Variants in C9orf50 observed in about 807,000 individuals in gnomAD.
C9orf50 encodes chromosome 9 open reading frame 50, also known as uncharacterized protein C9orf50.
In C9orf50, 33 loss-of-function variants were observed where a neutral mutation model predicts 42.5. That is an observed-to-expected ratio of 0.78 (90% CI 0.59 to 1.04). The LOEUF is 1.04. Ranked by LOEUF, C9orf50 falls within the 50% of genes least tolerant of loss-of-function variation. The pLI is 0.00. For missense variants in C9orf50, 547 were observed against 594.3 expected (o/e 0.92, Z 0.83); for synonymous variants, 257 against 273.4 (o/e 0.94, Z 0.59).
chr9:129,613,597 A>G lies in C9orf50; in HGVS notation c.881T>C (p.Val294Ala), dbSNP rs781077632. ...CTGGTTCACAATGACGCTCTGTTGG[A>G]CTGCAGGAAAGAGGGCAGGGTGAGA... The change falls in exon 5 of 7, where the codon GTC (valine) becomes GCC (alanine). Residue 294 changes from valine to alanine, a missense_variant and splice_region_variant. Val to Ala is a moderately conservative substitution (Grantham distance 64). Around this residue, in one of 3 missense-constraint regions of C9orf50, gnomAD observed 334 missense variants for 323.7 expected, o/e 1.03. Coordinates refer to ENST00000372478, the Ensembl canonical transcript of C9orf50. The surrounding 1 kb of genome is among the most constrained non-coding windows in gnomAD (Gnocchi z 6.2). The G allele has an allele frequency of 1.4e-5, 22 of 1,613,880 alleles. No homozygotes were observed. The South Asian group carries it at 2.1e-4, about 15-fold the overall frequency.
At chr9:129,617,034 T>G (rs1830423841) in intron 3 of C9orf50, among the ~76,000 whole-genome samples, 1 of 151,554 alleles carries the variant, frequency 6.6e-6, no homozygotes, top group Admixed American at 6.6e-5. Flanking sequence ...GCCACTGCAC[T>G]CCAGCCTAGG....
chr9:129,613,405 C>T lies in C9orf50; in HGVS notation c.1043+30G>A, dbSNP rs755062227. The stretch of plus-strand genomic sequence containing the variant: ...GGGTGGAGGGCCCTGGCAATGTCCA[C>T]GAGTCCCATCCGCTTCCCTGGAGCC... On this transcript the variant is annotated intron_variant, in intron 5 of 6. Coordinates refer to ENST00000372478, the Ensembl canonical transcript of C9orf50. This position sits in a 1 kb window ranked among gnomAD's most constrained non-coding sequence, Gnocchi z 6.2. 30 of 1,608,412 alleles carry T rather than the reference C, an allele frequency of 1.9e-5. No individual in the cohort carries two copies. The highest frequency in any genetic ancestry group is 2.2e-5 in the East Asian group (1 of 44,762).
chr9:129,613,700 T>A lies in C9orf50; in HGVS notation c.881-103A>T. 1 of 1,434,842 alleles carries A rather than the reference T, an allele frequency of 7.0e-7. No homozygotes were observed. 88.9% of individuals were successfully genotyped at this position (1,434,842 alleles called of 1,614,324 possible). A position where few individuals can be genotyped will look rare whatever the true frequency, so the allele number is the denominator to read the frequency against. ...GCAGGCAGGGCCGGTCAGAGCCCTGTCTCCATGGCAACCCCAGGCTCCCCA... is the reference window on the plus strand; with the variant it reads ...GCAGGCAGGGCCGGTCAGAGCCCTGACTCCATGGCAACCCCAGGCTCCCCA... On this transcript the variant is annotated intron_variant, in intron 4 of 6. Coordinates refer to ENST00000372478, the Ensembl canonical transcript of C9orf50. The surrounding 1 kb of genome is among the most constrained non-coding windows in gnomAD (Gnocchi z 6.2).
Position 129,620,663 on chromosome 9 carries a change from G to A in C9orf50, c.-89C>T. 1 of 1,173,784 alleles carries A rather than the reference G, an allele frequency of 8.5e-7. No individual in the cohort carries two copies. Among genetic ancestry groups the A allele is most frequent in the East Asian group, 3.2e-5 (1 of 31,568 alleles). The allele number at this position is 1,173,784 out of a possible 1,614,324, so 72.7% of individuals were successfully genotyped here. A position where few individuals can be genotyped will look rare whatever the true frequency, so the allele number is the denominator to read the frequency against. ...TGGGGAGGGCATAGTCCAGCCCCAGGCCATAGTGCCCCGGGCGGGGCAGCG... is the reference window on the plus strand; with the variant it reads ...TGGGGAGGGCATAGTCCAGCCCCAGACCATAGTGCCCCGGGCGGGGCAGCG... On this transcript the variant is annotated 5_prime_UTR_variant, in exon 1 of 7. Coordinates refer to ENST00000372478, the Ensembl canonical transcript of C9orf50. This position sits in a 1 kb window ranked among gnomAD's most constrained non-coding sequence, Gnocchi z 5.8.
exon 7 of C9orf50, chr9:129,612,388 G>C: frequency 2.5e-6 from 4 of 1,613,444 alleles, no homozygotes; most frequent in Non-Finnish European, 3.4e-6. Context: ...GCCAGGAGGA[G>C]ATGGTACCCC....
At chr9:129,619,000 C>A (rs1830536178) in intron 3 of C9orf50, among the ~76,000 whole-genome samples, 1 of 151,546 alleles carries the variant, frequency 6.6e-6, no homozygotes, top group Non-Finnish European at 1.5e-5. Flanking sequence ...AGGTGTGAGC[C>A]ACCGTGCCCT....
At chr9:129,619,950 C>A in intron 1 of C9orf50, 117 bp downstream of exon 1, 1 of 1,489,914 alleles carries the variant, frequency 6.7e-7, no homozygotes, top group South Asian at 1.2e-5. Context: ...CTGAGATACT[C>A]AGCTAACATT....
intron 3 of C9orf50, among the ~76,000 whole-genome samples, chr9:129,618,633 G>A (rs1314201416): frequency 6.6e-6 from 1 of 152,088 alleles, no homozygotes; most frequent in Non-Finnish European, 1.5e-5. Flanking sequence ...GTTGGTCATT[G>A]GATCAATGGA....
chr9:129,621,006 C>A (rs551554505), upstream of C9orf50, among the ~76,000 whole-genome samples: 5 of 152,366 alleles, frequency 3.3e-5, no homozygotes, highest in African/African-American at 1.2e-4. Flanking sequence ...CTTCCCTCTG[C>A]CTTCCCTGGG....
At chr9:129,617,648 C>T (rs990593874) in intron 3 of C9orf50, among the ~76,000 whole-genome samples, 5 of 151,924 alleles carry the variant, frequency 3.3e-5, no homozygotes, top group Admixed American at 6.6e-5. Flanking sequence ...ATTGGTTGAA[C>T]GTTCTGAGGT....
At chr9:129,621,631 G>A (rs993191594), upstream of C9orf50, among the ~76,000 whole-genome samples, 1 of 152,204 alleles carries the variant, frequency 6.6e-6, no homozygotes, top group African/African-American at 2.4e-5. Flanking sequence ...GCCTCCCAAA[G>A]TGCTGGGATC....
chr9:129,619,814 T>G (rs1830584566), exon 2 of C9orf50: 6 of 1,614,096 alleles, frequency 3.7e-6, no homozygotes, highest in Non-Finnish European at 5.1e-6. Context: ...CCCTTTGATG[T>G]TGCGGTGCTG....
rs553216182 is a variant in C9orf50 at position 129,612,753 on chromosome 9, C to A, written c.1189-299G>T. On this transcript the variant is annotated intron_variant, in intron 6 of 6. Transcript: ENST00000372478. ...ATTAGCTGGGTGTGGTGGTGGGTGT[C>A]CCCATTGCAGAGGTTGCAGTGAGCC... Among the ~76,000 whole-genome samples, 4 of 152,262 alleles carry A rather than the reference C, an allele frequency of 2.6e-5. No homozygotes were observed. The East Asian group carries it at 7.7e-4, about 29-fold the overall frequency.
chr9:129,615,595 G>T, exon 4 of C9orf50: 2 of 1,605,198 alleles, frequency 1.2e-6, no homozygotes, highest in Non-Finnish European at 1.7e-6. Context: ...TCCCCCGAGG[G>T]GTTGTGGGTC....
chr9:129,620,254 C>G lies in C9orf50; in HGVS notation c.321G>C (p.Ser107=). The change falls in exon 1 of 7, where the codon TCG becomes TCC. Residue 107 remains serine (S), a synonymous_variant. Coordinates refer to ENST00000372478, the Ensembl canonical transcript of C9orf50. This position sits in a 1 kb window ranked among gnomAD's most constrained non-coding sequence, Gnocchi z 5.8. ...GCGCCGATTCCCGGGACGCGCCGGCCGACAGCAGGGGAGGCGGCAGCAGGG... is the reference window on the plus strand; with the variant it reads ...GCGCCGATTCCCGGGACGCGCCGGCGGACAGCAGGGGAGGCGGCAGCAGGG... 1 of 1,337,158 alleles carries G rather than the reference C, an allele frequency of 7.5e-7. No individual in the cohort carries two copies. The highest frequency in any genetic ancestry group is 9.6e-7 in the Non-Finnish European group (1 of 1,038,422). The allele number at this position is 1,337,158 out of a possible 1,614,324, so 82.8% of individuals were successfully genotyped here.
In C9orf50 at chr9:129,613,356, G is replaced by A. The variant is rs899175312; in HGVS notation, c.1043+79C>T. On this transcript the variant is annotated intron_variant, in intron 5 of 6. Coordinates refer to ENST00000372478, the Ensembl canonical transcript of C9orf50. The surrounding 1 kb of genome is among the most constrained non-coding windows in gnomAD (Gnocchi z 6.2). The stretch of plus-strand genomic sequence containing the variant: ...CACACTGGCAACCCGCCTGCTGCTG[G>A]GTGGGGAGGTCTGTAGGCAAGGGGG... The A allele has an allele frequency of 1.3e-6, 2 of 1,578,218 alleles. No individual in the cohort carries two copies. Among genetic ancestry groups the A allele is most frequent in the Non-Finnish European group, 8.6e-7 (1 of 1,160,134 alleles).
rs1163430751 is a variant in C9orf50 at position 129,619,651 on chromosome 9, G to A, written c.600-15C>T. 1.9e-6 allele frequency: 3 copies of A among 1,613,348 alleles called. No individual in the cohort carries two copies. Among genetic ancestry groups the A allele is most frequent in the East Asian group, 2.2e-5 (1 of 44,874 alleles). On this transcript the variant is annotated splice_polypyrimidine_tract_variant and intron_variant, in intron 2 of 6. Coordinates refer to ENST00000372478, the Ensembl canonical transcript of C9orf50. ...ATGACTGGCCCCTTAAAGACAAACA[G>A]GCCACATCTGGCATGAGTGGCCAGG...
At position 129,620,646 on chromosome 9, in the gene C9orf50, G is replaced by T; in HGVS notation, c.-72C>A. ...GGGGGCGCCGGCTGAGGTGGGGAGG[G>T]CATAGTCCAGCCCCAGGCCATAGTG... On this transcript the variant is annotated 5_prime_UTR_variant, in exon 1 of 7. Coordinates refer to ENST00000372478, the Ensembl canonical transcript of C9orf50. This position sits in a 1 kb window ranked among gnomAD's most constrained non-coding sequence, Gnocchi z 5.8. 8.1e-7 allele frequency: 1 copy of T among 1,239,194 alleles called. No homozygotes were observed. The highest frequency in any genetic ancestry group is 1.0e-6 in the Non-Finnish European group (1 of 983,842). 76.8% of individuals were successfully genotyped at this position (1,239,194 alleles called of 1,614,324 possible).
Position 129,620,133 on chromosome 9 carries a change from G to A in C9orf50, c.442C>T (p.Pro148Ser), listed in dbSNP as rs1049161142. The A allele has an allele frequency of 2.7e-6, 4 of 1,458,372 alleles. No individual in the cohort carries two copies. The highest frequency in any genetic ancestry group is 5.6e-5 in the Admixed American group (2 of 35,690). 90.3% of individuals were successfully genotyped at this position (1,458,372 alleles called of 1,614,324 possible). A position where few individuals can be genotyped will look rare whatever the true frequency, so the allele number is the denominator to read the frequency against. ...TGCAGGAACTCACGGAACCTGCTGG[G>A]GAGGAGCTCTCCTAGGAAGGCGCCC... The change falls in exon 1 of 7, where the codon CCC (proline) becomes TCC (serine). Residue 148 changes from proline (P) to serine (S), a missense_variant. By Grantham distance (74) the Pro-to-Ser change is moderately conservative. This residue lies in a region of C9orf50 where 108 missense variants were observed against 172.1 expected (regional missense o/e 0.63). Transcript: ENST00000372478. This position sits in a 1 kb window ranked among gnomAD's most constrained non-coding sequence, Gnocchi z 5.8.
Sources: allele counts gnomAD v4.1 joint callset (sites outside exome capture counted in the v4.1 genomes callset), GRCh38; gene constraint gnomAD v4.1.1; regional missense constraint gnomAD v4.1.1; non-coding constraint Gnocchi (gnomAD v3.1); transcripts MANE v1.5; gene names NCBI Gene and HGNC (gene_info 2026-07-23, HGNC 2026-07-21).